LTA4H: variants seen among roughly 807,000 people sequenced by gnomAD.
The protein encoded by LTA4H is leukotriene A-4 hydrolase.
LTA4H carries 59 observed loss-of-function variants against 89.8 expected under a neutral mutation model. The observed-to-expected ratio is 0.66, with a 90% CI of 0.53 to 0.82. The LOEUF (loss-of-function observed/expected upper bound fraction) is 0.82, where lower values mean the gene tolerates loss of function less well. Ranked by LOEUF, LTA4H falls within the 40% of genes least tolerant of loss-of-function variation. The probability of loss-of-function intolerance (pLI) is 0.00; values close to 1 mark genes in which losing one functional copy is unlikely to be tolerated. For missense variants in LTA4H, 617 were observed against 727.0 expected (o/e 0.85, Z 1.74); for synonymous variants, 227 against 253.1 (o/e 0.90, Z 0.98).
Position 96,035,489 on chromosome 12 carries a change from C to G in LTA4H, c.31G>C (p.Ala11Pro), listed in dbSNP as rs1176835820. MPEIVDTCSL[A>P]SPASVCRTKH... The stretch of plus-strand genomic sequence containing the variant: ...GTCCGGCAGACGGAAGCCGGAGAGG[C>G]CAACGAACAGGTATCCACTATCTCG... Residue 11 changes from alanine (A) to proline (P), a missense_variant, in exon 1 of 19, where the codon GCC becomes CCC. By Grantham distance (27) the Ala-to-Pro change is conservative. Coordinates refer to ENST00000228740, the MANE Select transcript of LTA4H (RefSeq NM_000895.3). The G allele has an allele frequency of 1.2e-6, 2 of 1,608,298 alleles. No individual in the cohort carries two copies. Among genetic ancestry groups the G allele is most frequent in the South Asian group, 1.1e-5 (1 of 89,950 alleles).
chr12:96,027,579 T>C lies in LTA4H; in HGVS notation c.291-15A>G. 6.7e-7 allele frequency: 1 copy of C among 1,495,042 alleles called. No homozygotes were observed. The highest frequency in any genetic ancestry group is 9.3e-7 in the Non-Finnish European group (1 of 1,079,850). 92.6% of individuals were successfully genotyped at this position (1,495,042 alleles called of 1,614,324 possible). On this transcript the variant is annotated splice_polypyrimidine_tract_variant and intron_variant, in intron 2 of 18. Transcript: ENST00000228740. Reference sequence around the variant, plus strand: ...TTTCTTGATTTCTGTATGAAACACATAAATATATTAGTAGAGTATGATTCC... The same window carrying C: ...TTTCTTGATTTCTGTATGAAACACACAAATATATTAGTAGAGTATGATTCC...
intron 1 of LTA4H, among the ~76,000 whole-genome samples, chr12:96,041,605 ATC>A (rs920056913): frequency 5.9e-5 from 9 of 152,162 alleles, no homozygotes; most frequent in Non-Finnish European, 1.0e-4. Flanking sequence ...ACCAAGTTAA[ATC>A]ACTCAGCTTA....
At chr12:96,041,050 A>G (rs17025123) in intron 1 of LTA4H, among the ~76,000 whole-genome samples, 9,938 of 152,270 alleles carry the variant, frequency 0.065, 408 homozygotes, top group African/African-American at 0.12. Flanking sequence ...TTTAAGGCCC[A>G]TTTTCAAATA....
At chr12:96,006,713 A>G (rs1322584332) in intron 15 of LTA4H, among the ~76,000 whole-genome samples, 1 of 152,204 alleles carries the variant, frequency 6.6e-6, no homozygotes, top group African/African-American at 2.4e-5. Flanking sequence ...GCAAAGAAAC[A>G]TTTCAAAATG....
intron 1 of LTA4H, among the ~76,000 whole-genome samples, chr12:96,029,812 C>A (rs558406593): frequency 6.6e-6 from 1 of 152,266 alleles, no homozygotes; most frequent in South Asian, 2.1e-4. Context: ...CCCTACAAAT[C>A]ATACTCTTTA....
intron 15 of LTA4H, 47 bp from the exon 16 acceptor site, chr12:96,006,456 A>T: frequency 9.2e-7 from 1 of 1,092,312 alleles, no homozygotes; most frequent in Non-Finnish European, 1.4e-6. Flanking sequence ...ACAATTTAAT[A>T]ATACTTATTG....
chr12:96,043,286 T>TA, intron 1 of LTA4H: 1 of 1,532,406 alleles, frequency 6.5e-7, no homozygotes, highest in African/African-American at 1.4e-5. Flanking sequence ...GCTTGGAACT[T>TA]ACCTTTAAGG....
At chr12:96,034,996 A>G (rs1315941217) in intron 1 of LTA4H, among the ~76,000 whole-genome samples, 2 of 152,200 alleles carry the variant, frequency 1.3e-5, no homozygotes, top group Non-Finnish European at 2.9e-5. Context: ...AACTAAAATT[A>G]TGGGGGCTAC....
At chr12:96,005,867 C>T (rs944710498) in intron 16 of LTA4H, among the ~76,000 whole-genome samples, 1 of 152,114 alleles carries the variant, frequency 6.6e-6, no homozygotes, top group Non-Finnish European at 1.5e-5. Flanking sequence ...CCTGCCTCAG[C>T]CTCCTGAGTA....
chr12:96,011,872 TA>T (rs1375523198), intron 14 of LTA4H: 1 of 152,214 alleles, frequency 6.6e-6, no homozygotes, highest in African/African-American at 2.4e-5. Flanking sequence ...AAGGCTGTTG[TA>T]AAAATTAACG....
chr12:96,029,055 T>C lies in LTA4H; in HGVS notation c.290A>G (p.Lys97Arg). 1.3e-6 allele frequency: 2 copies of C among 1,574,846 alleles called. No individual in the cohort carries two copies. The highest frequency in any genetic ancestry group is 1.7e-6 in the Non-Finnish European group (2 of 1,164,388). Residue 97 changes from lysine (K) to arginine (R), a missense_variant and splice_region_variant, in exon 2 of 19, where the codon AAA (lysine) becomes AGA (arginine). Lys to Arg is a conservative substitution (Grantham distance 26). Transcript: ENST00000228740. The stretch of plus-strand genomic sequence containing the variant: ...AAGAGAAAGATCATAACATTCATAC[T>C]TGCTCAAAGCGATAGGAAGAGAGAT... Reference protein sequence around the residue: ...MEISLPIALSKNQEIVIEISF... With the variant: ...MEISLPIALSRNQEIVIEISF...
chr12:96,030,304 T>C (rs908019936), intron 1 of LTA4H, among the ~76,000 whole-genome samples: 2 of 152,192 alleles, frequency 1.3e-5, no homozygotes, highest in Non-Finnish European at 2.9e-5. Context: ...TCTTGCCATA[T>C]CCTTCACTCC....
At position 96,035,344 on chromosome 12, in the gene LTA4H, C is replaced by G. The variant is rs1459474383; in HGVS notation, c.159+17G>C. ...GAGCCCGGGAGAGGCGGGCACTGGG[C>G]AGGCGCCCCACTGTACCAGGCTGCG... is the stretch of plus-strand genomic sequence containing the variant. On this transcript the variant is annotated intron_variant, in intron 1 of 18. Coordinates refer to ENST00000228740, the MANE Select transcript of LTA4H (RefSeq NM_000895.3). 4.4e-6 allele frequency: 7 copies of G among 1,580,882 alleles called. No individual in the cohort carries two copies. The highest frequency in any genetic ancestry group is 6.0e-6 in the Non-Finnish European group (7 of 1,159,248).
chr12:96,013,319 T>A lies in LTA4H; in HGVS notation c.1309-61A>T, dbSNP rs535981256. ...TGCCCTTTCCTGTCAAAAAAAAATT[T>A]AAACTTGTAAGTCCTTAGATATATA... On this transcript the variant is annotated intron_variant, in intron 13 of 18. Transcript: ENST00000228740. The A allele has an allele frequency of 2.0e-5, 21 of 1,069,844 alleles. No homozygotes were observed. In the African/African-American group the frequency reaches 3.1e-4, roughly 16 times the overall value. 66.3% of individuals were successfully genotyped at this position (1,069,844 alleles called of 1,614,324 possible). A position where few individuals can be genotyped will look rare whatever the true frequency, so the allele number is the denominator to read the frequency against.
At chr12:96,026,629 G>A (rs970325987) in intron 3 of LTA4H, among the ~76,000 whole-genome samples, 1 of 152,124 alleles carries the variant, frequency 6.6e-6, no homozygotes, top group Non-Finnish European at 1.5e-5. Context: ...AAAGTAAACA[G>A]GTCTGATTCA....
At chr12:96,035,633 G>A, upstream of LTA4H, 1 of 1,444,356 alleles carries the variant, frequency 6.9e-7, no homozygotes. Context: ...GGAGGGATTC[G>A]CGGTGCACGC....
In LTA4H at chr12:96,024,402, T is replaced by G; in HGVS notation, c.480+77A>C. On this transcript the variant is annotated intron_variant, in intron 4 of 18. Transcript: ENST00000228740. ...ATAATTCTAGCTCTAGGAATTCAAT[T>G]ATCATCTCTGCTTATCATTTATACC... The G allele has an allele frequency of 3.5e-6, 3 of 847,600 alleles. No homozygotes were observed. In the Admixed American group the frequency reaches 6.4e-5, roughly 18 times the overall value. The allele number at this position is 847,600 out of a possible 1,614,324, so 52.5% of individuals were successfully genotyped here. A position where few individuals can be genotyped will look rare whatever the true frequency, so the allele number is the denominator to read the frequency against.
intron 15 of LTA4H, among the ~76,000 whole-genome samples, chr12:96,008,116 G>A (rs1489642636): frequency 6.6e-6 from 1 of 152,122 alleles, no homozygotes; most frequent in Non-Finnish European, 1.5e-5. Context: ...TGGGTGATGG[G>A]ATCAATCATA....
chr12:96,035,258 G>T (rs958598503), intron 1 of LTA4H, 103 bp downstream of exon 1: 38 of 1,258,822 alleles, frequency 3.0e-5, no homozygotes, highest in Non-Finnish European at 3.9e-5. Flanking sequence ...GGCTAGGCAG[G>T]GGCCGCGGCG....
Sources: allele counts gnomAD v4.1 joint callset (sites outside exome capture counted in the v4.1 genomes callset), GRCh38; gene constraint gnomAD v4.1.1; transcripts MANE v1.5; gene names NCBI Gene and HGNC (gene_info 2026-07-23, HGNC 2026-07-21).